The following PDIK1L variants were observed in gnomAD, a reference collection of about 807,000 sequenced individuals.
The protein encoded by PDIK1L is PDLIM1 interacting kinase 1 like.
A neutral mutation model predicts 27.1 loss-of-function variants in PDIK1L; 9 were observed. The observed-to-expected ratio is 0.33, with a 90% CI of 0.20 to 0.58. PDIK1L has a LOEUF of 0.58. PDIK1L is among the 20% of genes least tolerant of loss of function. The pLI, the probability that PDIK1L is intolerant of heterozygous loss-of-function variation, is 0.86. For synonymous variants in PDIK1L, 130 were observed against 141.7 expected (o/e 0.92, Z 0.59); for missense variants, 216 against 413.2 (o/e 0.52, Z 4.14).
chr1:26,111,640 C>A (rs902217566), upstream of PDIK1L, among the ~76,000 whole-genome samples: 2 of 151,516 alleles, frequency 1.3e-5, no homozygotes, highest in African/African-American at 4.8e-5. The surrounding 1 kb of genome is among the most constrained non-coding windows in gnomAD (Gnocchi z 4.0). Flanking sequence ...GGAGCGCGCA[C>A]ACCTCCGACG....
chr1:26,112,119 G>A (rs935572022), intron 1 of PDIK1L, among the ~76,000 whole-genome samples: 1 of 152,138 alleles, frequency 6.6e-6, no homozygotes, highest in Admixed American at 6.5e-5. Context: ...CCCCAGCCCC[G>A]AGGAGTTGAG....
intron 2 of PDIK1L, among the ~76,000 whole-genome samples, chr1:26,117,312 G>A (rs1342955720): frequency 1.3e-5 from 2 of 152,104 alleles, no homozygotes; most frequent in Non-Finnish European, 2.9e-5. Context: ...GATTACAGGC[G>A]TGAGCCACCT....
chr1:26,121,081 T>C (rs1426278172), intron 2 of PDIK1L, among the ~76,000 whole-genome samples: 2 of 152,200 alleles, frequency 1.3e-5, no homozygotes, highest in Non-Finnish European at 2.9e-5. Flanking sequence ...AACTGTGATT[T>C]AGTCTAGGTT....
In PDIK1L at chr1:26,114,355, G is replaced by A. The variant is rs753829680; in HGVS notation, c.47G>A (p.Arg16Gln). Reference protein sequence around the residue: ...PKYDLIREVGRGSYGVVYEAV... With the variant: ...PKYDLIREVGQGSYGVVYEAV... ...TACGATCTAATACGGGAGGTAGGCC[G>A]AGGTAGTTACGGTGTTGTGTATGAA... Residue 16 changes from arginine to glutamine, a missense_variant, in exon 2 of 3, where the codon CGA (arginine) becomes CAA (glutamine). Physicochemically the swap from Arg to Gln is conservative, Grantham distance 43. Coordinates refer to ENST00000374269, the MANE Select transcript of PDIK1L (RefSeq NM_152835.5). The surrounding 1 kb of genome is among the most constrained non-coding windows in gnomAD (Gnocchi z 4.8). 1.7e-5 allele frequency: 27 copies of A among 1,613,924 alleles called. No homozygotes were observed. In the Admixed American group the frequency reaches 1.8e-4, roughly 11 times the overall value.
At chr1:26,113,232 G>A (rs568608712) in intron 1 of PDIK1L, among the ~76,000 whole-genome samples, 2 of 152,264 alleles carry the variant, frequency 1.3e-5, no homozygotes, top group East Asian at 3.9e-4. Flanking sequence ...GCTCACGCCC[G>A]TAATCCCAGC....
rs1557599568 is a variant in PDIK1L, at chr1:26,123,881, AT to A, written c.*1308del. On this transcript the variant is annotated 3_prime_UTR_variant, in exon 3 of 3. Coordinates refer to ENST00000374269, the MANE Select transcript of PDIK1L (RefSeq NM_152835.5). ...CATTATTCCTCTTGAAGTTAGTTTG[AT>A]TTTATCTTTGTATGGTTGTCTACAA... 6.6e-6 allele frequency: 1 copy of A among 152,604 alleles called. No individual in the cohort carries two copies. Among genetic ancestry groups the A allele is most frequent in the Non-Finnish European group, 1.5e-5 (1 of 68,002 alleles). The allele number at this position is 152,604 out of a possible 1,614,324, so 9.5% of individuals were successfully genotyped here. A position where few individuals can be genotyped will look rare whatever the true frequency, so the allele number is the denominator to read the frequency against.
At chr1:26,115,748 G>A (rs1459869375) in intron 2 of PDIK1L, among the ~76,000 whole-genome samples, 1 of 151,750 alleles carries the variant, frequency 6.6e-6, no homozygotes, top group Non-Finnish European at 1.5e-5. Flanking sequence ...CTTGCCGTGA[G>A]CCGAGATCGC....
chr1:26,112,501 G>A (rs1009912593), intron 1 of PDIK1L: 7 of 152,358 alleles, frequency 4.6e-5, no homozygotes, highest in Non-Finnish European at 8.8e-5. Flanking sequence ...GGCTGGAGAG[G>A]ACATGGCACT....
chr1:26,119,860 T>TA (rs1039752998), intron 2 of PDIK1L, among the ~76,000 whole-genome samples: 40 of 149,420 alleles, frequency 2.7e-4, no homozygotes, highest in African/African-American at 6.6e-4. Flanking sequence ...TCTGTCTCAA[T>TA]AAAAAAAAAA....
intron 1 of PDIK1L, among the ~76,000 whole-genome samples, chr1:26,112,952 C>G (rs962963893): frequency 3.3e-5 from 5 of 152,260 alleles, no homozygotes; most frequent in African/African-American, 1.2e-4. Flanking sequence ...CATTTCTGTG[C>G]AGGGCCTTTG....
rs757195483 is a variant in PDIK1L at position 26,114,162 on chromosome 1, C to T, written c.-17-130C>T. 3.0e-5 allele frequency: 26 copies of T among 867,476 alleles called. No homozygotes were observed. The South Asian group carries it at 3.9e-4, about 13-fold the overall frequency. The allele number at this position is 867,476 out of a possible 1,614,324, so 53.7% of individuals were successfully genotyped here. On this transcript the variant is annotated intron_variant, in intron 1 of 2. Coordinates refer to ENST00000374269, the MANE Select transcript of PDIK1L (RefSeq NM_152835.5). This position sits in a 1 kb window ranked among gnomAD's most constrained non-coding sequence, Gnocchi z 4.8. ...GTTACTATTCTTAAAATTAGATTTC[C>T]CCTAGGTATAGCAAATATCCTTCAA...
In PDIK1L at chr1:26,124,558, A is replaced by G. The variant is rs573482124; in HGVS notation, c.*1981A>G. 1.3e-5 allele frequency: 2 copies of G among 152,286 alleles called. No individual in the cohort carries two copies. The highest frequency in any genetic ancestry group is 4.8e-5 in the African/African-American group (2 of 41,564). 9.4% of individuals were successfully genotyped at this position (152,286 alleles called of 1,614,324 possible). A position where few individuals can be genotyped will look rare whatever the true frequency, so the allele number is the denominator to read the frequency against. On this transcript the variant is annotated 3_prime_UTR_variant, in exon 3 of 3. Transcript: ENST00000374269. ...TGCATCATTTGCTCTTCAAATATCT[A>G]TGTGCTTGGAGCCACAGTTTCCTAA...
At chr1:26,116,236 G>A (rs1232408208) in intron 2 of PDIK1L, among the ~76,000 whole-genome samples, 3 of 150,676 alleles carry the variant, frequency 2.0e-5, no homozygotes, top group Non-Finnish European at 2.9e-5. Flanking sequence ...TTGGTCAGGC[G>A]TGGTGGCTTA....
chr1:26,113,498 TAA>T (rs67443362), intron 1 of PDIK1L, among the ~76,000 whole-genome samples: 13 of 91,052 alleles, frequency 1.4e-4, no homozygotes, highest in Admixed American at 2.7e-4. Context: ...AGACTCCGTC[TAA>T]AAAAAAAAAA....
At chr1:26,116,249 C>A (rs2087874927) in intron 2 of PDIK1L, among the ~76,000 whole-genome samples, 1 of 151,362 alleles carries the variant, frequency 6.6e-6, no homozygotes, top group African/African-American at 2.4e-5. Flanking sequence ...GTGGCTTACG[C>A]CTCTAATCCC....
intron 2 of PDIK1L, among the ~76,000 whole-genome samples, chr1:26,120,187 G>C (rs2087954830): frequency 6.6e-6 from 1 of 152,144 alleles, no homozygotes. Context: ...AAGAAAGGAA[G>C]AAGTATATGG....
chr1:26,117,162 G>T (rs2087893679), intron 2 of PDIK1L, among the ~76,000 whole-genome samples: 1 of 151,548 alleles, frequency 6.6e-6, no homozygotes, highest in Admixed American at 6.6e-5. Flanking sequence ...CTCCTGAGTA[G>T]TTGGGACTAC....
Position 26,118,670 on chromosome 1 carries a change from A to G in PDIK1L, c.286-3167A>G, listed in dbSNP as rs186977816. 1.5e-4 allele frequency among the ~76,000 whole-genome samples: 23 copies of G among 152,368 alleles called. No homozygotes were observed. The East Asian group carries it at 3.9e-3, about 26-fold the overall frequency. ...ATGTTGCAGAAACAATACTTGGTAC[A>G]TATAAGTACTCAGTAATTGGTACCT... On this transcript the variant is annotated intron_variant, in intron 2 of 2. Coordinates refer to ENST00000374269, the MANE Select transcript of PDIK1L (RefSeq NM_152835.5).
chr1:26,111,756 G>C (rs1168362098), upstream of PDIK1L: 1 of 151,724 alleles, frequency 6.6e-6, no homozygotes, highest in Admixed American at 6.6e-5. The surrounding 1 kb of genome is among the most constrained non-coding windows in gnomAD (Gnocchi z 4.0). Flanking sequence ...CGGAAAGCCG[G>C]AGGGGGGCGG....
Sources: gnomAD v4.1 joint callset for allele counts (sites outside exome capture counted in the v4.1 genomes callset) on GRCh38, gnomAD v4.1.1 for gene constraint, Gnocchi (gnomAD v3.1) non-coding constraint, MANE v1.5 for transcripts, NCBI Gene and HGNC (gene_info 2026-07-23, HGNC 2026-07-21) for gene names.